Variants in TOM1L2 observed in about 807,000 individuals in gnomAD.
TOM1L2 encodes the protein TOM1-like protein 2.
Under a neutral mutation model 67.9 loss-of-function variants are expected in TOM1L2, and 31 were observed. The ratio of observed to expected loss-of-function variants is 0.46; its 90% CI spans 0.34 to 0.62. The LOEUF is 0.62. TOM1L2 is among the 20% of genes least tolerant of loss of function. TOM1L2 has a pLI of 0.01. For missense variants in TOM1L2, 606 were observed against 663.5 expected, an observed-to-expected ratio of 0.91 and a Z score of 0.95; for synonymous variants, 256 against 254.0, an observed-to-expected ratio of 1.01 and a Z score of -0.07.
At chr17:17,936,698 T>C (rs970322839) in intron 1 of TOM1L2, among the ~76,000 whole-genome samples, 3 of 152,176 alleles carry the variant, frequency 2.0e-5, no homozygotes, top group Non-Finnish European at 4.4e-5. Flanking sequence ...GTTTTTTAAT[T>C]AAAAATGATT....
Position 17,882,864 on chromosome 17 carries a change from C to A in TOM1L2, c.502-1G>T. 2 of 1,613,994 alleles carry A rather than the reference C, an allele frequency of 1.2e-6. No homozygotes were observed. Among genetic ancestry groups the A allele is most frequent in the Non-Finnish European group, 1.7e-6 (2 of 1,179,920 alleles). Reference sequence around the variant, plus strand: ...CAGCTGGATCCACTTCAGGGACACTCTGGCATGGCAACAACAAAGTCCTCT... The same window carrying A: ...CAGCTGGATCCACTTCAGGGACACTATGGCATGGCAACAACAAAGTCCTCT... On this transcript the variant is annotated splice_acceptor_variant, in intron 5 of 14. Coordinates refer to ENST00000379504, the MANE Select transcript of TOM1L2 (RefSeq NM_001082968.2). LOFTEE classifies it high-confidence loss of function.
At chr17:17,866,750 G>A (rs1289373655) in intron 9 of TOM1L2, 126 bp downstream of exon 9, 10 of 1,014,104 alleles carry the variant, frequency 9.9e-6, no homozygotes, top group African/African-American at 1.6e-5. Context: ...ATCAACCAGA[G>A]CTTGCCTCTT....
At chr17:17,881,972 C>T (rs570825168) in intron 6 of TOM1L2, among the ~76,000 whole-genome samples, 2 of 151,912 alleles carry the variant, frequency 1.3e-5, no homozygotes, top group East Asian at 3.9e-4. Flanking sequence ...TTTTTTTTTC[C>T]CCCAAGTCTG....
At chr17:17,888,442 T>C (rs777548802) in intron 4 of TOM1L2, among the ~76,000 whole-genome samples, 113 of 152,230 alleles carry the variant, frequency 7.4e-4, no homozygotes, top group Admixed American at 3.1e-3. Flanking sequence ...AAACCATTGC[T>C]GATTTAAACT....
intron 1 of TOM1L2, among the ~76,000 whole-genome samples, chr17:17,937,718 G>C (rs1196451320): frequency 1.3e-5 from 2 of 152,174 alleles, no homozygotes; most frequent in Admixed American, 6.5e-5. Flanking sequence ...GTAGGAATGA[G>C]AAAGTGCAAG....
In TOM1L2 at chr17:17,964,729, G is replaced by A. The variant is rs553055524; in HGVS notation, c.52+7533C>T. ...CGATCCTGCCACTGCATTCCAGCCTGGGCGACAAAGCAAGACCCTGTCTCA... is the reference window on the plus strand; with the variant it reads ...CGATCCTGCCACTGCATTCCAGCCTAGGCGACAAAGCAAGACCCTGTCTCA... On this transcript the variant is annotated intron_variant, in intron 1 of 14. Coordinates refer to ENST00000379504, the MANE Select transcript of TOM1L2 (RefSeq NM_001082968.2). Among the ~76,000 whole-genome samples, 470 of 152,144 alleles carry A rather than the reference G, an allele frequency of 3.1e-3. 1 individual carries two copies. Among genetic ancestry groups the A allele is most frequent in the African/African-American group, 0.01 (435 of 41,478 alleles).
In TOM1L2 at chr17:17,847,389, T is replaced by C; in HGVS notation, c.*246A>G. 1 of 552,450 alleles carries C rather than the reference T, an allele frequency of 1.8e-6. No individual in the cohort carries two copies. The highest frequency in any genetic ancestry group is 2.2e-5 in the South Asian group (1 of 45,676). The allele number at this position is 552,450 out of a possible 1,614,324, so 34.2% of individuals were successfully genotyped here. A position where few individuals can be genotyped will look rare whatever the true frequency, so the allele number is the denominator to read the frequency against. On this transcript the variant is annotated 3_prime_UTR_variant, in exon 15 of 15. Transcript: ENST00000379504. ...TGCCCGCTCTTCCTGGGAGGAAACA[T>C]GGGCAGAGGGGCCCATGGTGGGAGG...
intron 1 of TOM1L2, among the ~76,000 whole-genome samples, chr17:17,941,824 TA>T (rs757254175): frequency 2.6e-5 from 4 of 152,204 alleles, no homozygotes; most frequent in Non-Finnish European, 4.4e-5. Context: ...CATTTTGCCT[TA>T]AAGAGTTTCA....
intron 1 of TOM1L2, among the ~76,000 whole-genome samples, chr17:17,921,485 G>A (rs1436206440): frequency 6.6e-6 from 1 of 152,146 alleles, no homozygotes; most frequent in Non-Finnish European, 1.5e-5. Flanking sequence ...GAGTCAGTGT[G>A]TGAGAGTAGC....
At chr17:17,878,393 T>C (rs2037534159) in intron 7 of TOM1L2, among the ~76,000 whole-genome samples, 1 of 152,218 alleles carries the variant, frequency 6.6e-6, no homozygotes. Context: ...TCCCGGTCTA[T>C]TTCCTGCAAA....
chr17:17,927,067 G>A (rs1392910895), intron 1 of TOM1L2, among the ~76,000 whole-genome samples: 1 of 152,132 alleles, frequency 6.6e-6, no homozygotes, highest in Admixed American at 6.6e-5. Context: ...AGCTTGCCAA[G>A]GGAAACATGC....
chr17:17,912,959 G>A (rs1014317155), intron 1 of TOM1L2, among the ~76,000 whole-genome samples: 3 of 152,244 alleles, frequency 2.0e-5, no homozygotes, highest in Non-Finnish European at 1.5e-5. Flanking sequence ...CGAGGCTGGC[G>A]GATCGCTCGC....
chr17:17,931,321 CAG>C (rs2040326019), intron 1 of TOM1L2, among the ~76,000 whole-genome samples: 6 of 152,166 alleles, frequency 3.9e-5, no homozygotes, highest in African/African-American at 1.4e-4. Flanking sequence ...CCAAGCAAGG[CAG>C]AGCACCAACA....
intron 1 of TOM1L2, among the ~76,000 whole-genome samples, chr17:17,925,034 T>C (rs2040027425): frequency 6.6e-6 from 1 of 152,196 alleles, no homozygotes; most frequent in African/African-American, 2.4e-5. Context: ...ACTCTCTCTC[T>C]CTGTTTTTTG....
chr17:17,943,877 G>C (rs149419397), intron 1 of TOM1L2, among the ~76,000 whole-genome samples: 7 of 152,290 alleles, frequency 4.6e-5, no homozygotes, highest in African/African-American at 1.7e-4. Context: ...AGGTCTAGCT[G>C]CCACAAACAT....
At chr17:17,900,786 A>G (rs1478001893) in intron 2 of TOM1L2, among the ~76,000 whole-genome samples, 1 of 152,178 alleles carries the variant, frequency 6.6e-6, no homozygotes, top group Non-Finnish European at 1.5e-5. Flanking sequence ...TATGGGACTT[A>G]ACCGGCTCTC....
intron 2 of TOM1L2, among the ~76,000 whole-genome samples, chr17:17,900,437 G>A (rs2038794692): frequency 6.7e-6 from 1 of 149,816 alleles, no homozygotes; most frequent in Admixed American, 6.7e-5. Context: ...CAAGAGAATT[G>A]CTTGAACCTG....
intron 4 of TOM1L2, among the ~76,000 whole-genome samples, chr17:17,886,493 C>T (rs188199834): frequency 1.3e-5 from 2 of 152,374 alleles, no homozygotes; most frequent in Non-Finnish European, 2.9e-5. Context: ...GCTGCCTCCA[C>T]CTGGTTCAAA....
chr17:17,879,651 A>C lies in TOM1L2; in HGVS notation c.753T>G (p.Asp251Glu). Residue 251 changes from aspartate to glutamate, a missense_variant, in exon 7 of 15, where the codon GAT (aspartate) becomes GAG (glutamate). By Grantham distance (45) the Asp-to-Glu change is conservative (BLOSUM62 2). Around this residue, in one of 2 missense-constraint regions of TOM1L2, gnomAD observed 543 missense variants for 554.0 expected, o/e 0.98. Transcript: ENST00000379504. The part of the protein sequence containing the change: ...MLTEMVPGQE[D>E]SSDLELLQEL... ...CCTGCAGCAACTCCAGATCAGATGA[A>C]TCCTCCTGTCCAGGGACCATTTCTG... The C allele has an allele frequency of 6.2e-7, 1 of 1,614,128 alleles. No homozygotes were observed. The highest frequency in any genetic ancestry group is 8.5e-7 in the Non-Finnish European group (1 of 1,179,998).
Sources: allele counts gnomAD v4.1 joint callset (sites outside exome capture counted in the v4.1 genomes callset), GRCh38; gene constraint gnomAD v4.1.1; regional missense constraint gnomAD v4.1.1; transcripts MANE v1.5; gene names NCBI Gene and HGNC (gene_info 2026-07-23, HGNC 2026-07-21).